PCBD2: variants seen among roughly 807,000 people sequenced by gnomAD.
PCBD2 encodes the protein pterin-4 alpha-carbinolamine dehydratase 2.
A neutral mutation model predicts 16.4 loss-of-function variants in PCBD2; 12 were observed. The observed-to-expected ratio is 0.73, with a 90% confidence interval of 0.47 to 1.19. The LOEUF (loss-of-function observed/expected upper bound fraction) is 1.19. Ranked by LOEUF, PCBD2 falls within the 50% of genes most tolerant of loss-of-function variation. The pLI is 0.00. For missense variants in PCBD2, 138 were observed against 156.8 expected, an observed-to-expected ratio of 0.88 and a Z score of 0.64; for synonymous variants, 58 against 61.8, an observed-to-expected ratio of 0.94 and a Z score of 0.29.
chr5:134,925,520 T>C (rs112143492), intron 2 of PCBD2: 248,631 of 398,158 alleles, frequency 0.62, 80,148 homozygotes, highest in African/African-American at 0.87. Context: ...ATTGTGACTA[T>C]TATAAGTCCT....
chr5:134,905,452 C>T (rs1401464287), intron 1 of PCBD2: 2 of 370,074 alleles, frequency 5.4e-6, no homozygotes, highest in Non-Finnish European at 4.8e-6. Flanking sequence ...TACACTTCCG[C>T]CGAAGCCTAC....
At chr5:134,953,391 T>TAA (rs1751380351) in intron 2 of PCBD2, among the ~76,000 whole-genome samples, 1 of 149,074 alleles carries the variant, frequency 6.7e-6, no homozygotes, top group Admixed American at 6.7e-5. Context: ...TATATATATA[T>TAA]AATACCTATA....
At chr5:134,924,910 A>G (rs1750965822) in intron 2 of PCBD2, 2 of 390,518 alleles carry the variant, frequency 5.1e-6, no homozygotes, top group East Asian at 7.2e-5. Flanking sequence ...AAATGTATAC[A>G]GTGGGGATTT....
chr5:134,939,228 C>T (rs1391594834), intron 2 of PCBD2, among the ~76,000 whole-genome samples: 1 of 152,040 alleles, frequency 6.6e-6, no homozygotes, highest in African/African-American at 2.4e-5. Flanking sequence ...TCATTCAGTA[C>T]CGTCCTGTCT....
chr5:134,947,389 A>ATTTTTTT (rs1220114582), intron 2 of PCBD2, among the ~76,000 whole-genome samples: 3 of 103,066 alleles, frequency 2.9e-5, no homozygotes, highest in East Asian at 2.8e-4. Flanking sequence ...CCCGGCCTCA[A>ATTTTTTT]TTTTTTTTTT....
In PCBD2 at chr5:134,960,709, G is replaced by A. The variant is rs1184481194; in HGVS notation, c.*28G>A. On this transcript the variant is annotated 3_prime_UTR_variant, in exon 4 of 4. Coordinates refer to ENST00000254908, the MANE Select transcript of PCBD2 (RefSeq NM_032151.5). ...TCTTCCAAAATACATGTAAAATCTTGTACACATCTTAGCTGCAATGTATGT... is the reference window on the plus strand; with the variant it reads ...TCTTCCAAAATACATGTAAAATCTTATACACATCTTAGCTGCAATGTATGT... 4 of 1,518,188 alleles carry A rather than the reference G, an allele frequency of 2.6e-6. No homozygotes were observed. The highest frequency in any genetic ancestry group is 1.7e-5 in the Admixed American group (1 of 58,982). 94.0% of individuals were successfully genotyped at this position (1,518,188 alleles called of 1,614,324 possible). A position where few individuals can be genotyped will look rare whatever the true frequency, so the allele number is the denominator to read the frequency against.
At chr5:134,940,601 A>ATT (rs1185902421) in intron 2 of PCBD2, among the ~76,000 whole-genome samples, 1 of 152,192 alleles carries the variant, frequency 6.6e-6, no homozygotes, top group Admixed American at 6.5e-5. Flanking sequence ...CCTTATCATG[A>ATT]AACTCTTTAA....
At chr5:134,924,320 T>C (rs79518928) in intron 2 of PCBD2, 1 of 395,678 alleles carries the variant, frequency 2.5e-6, no homozygotes, top group Non-Finnish European at 4.5e-6. Context: ...TGATGGTTGT[T>C]TTTGGATATA....
intron 1 of PCBD2, among the ~76,000 whole-genome samples, chr5:134,908,471 C>T (rs111458162): frequency 0.041 from 6,174 of 152,050 alleles, 209 homozygotes; most frequent in Non-Finnish European, 0.055. Flanking sequence ...TTGCAACTAG[C>T]CTAGCCAACA....
At chr5:134,925,780 A>G (rs1450997192) in intron 2 of PCBD2, 1 of 395,916 alleles carries the variant, frequency 2.5e-6, no homozygotes, top group Non-Finnish European at 4.5e-6. Flanking sequence ...GTGAAGGCCT[A>G]ATTGAGCTGA....
At chr5:134,955,129 G>GTATA (rs34308484) in intron 2 of PCBD2, among the ~76,000 whole-genome samples, 46 of 146,956 alleles carry the variant, frequency 3.1e-4, no homozygotes, top group South Asian at 4.3e-4. Flanking sequence ...CTTTGCTACA[G>GTATA]TATATATATA....
At chr5:134,940,945 T>C (rs749524907) in intron 2 of PCBD2, among the ~76,000 whole-genome samples, 32 of 151,650 alleles carry the variant, frequency 2.1e-4, no homozygotes, top group Non-Finnish European at 4.6e-4. Context: ...CACGGTGAAA[T>C]CCCGTCTCTA....
chr5:134,941,670 C>T (rs890798694), intron 2 of PCBD2, among the ~76,000 whole-genome samples: 1 of 151,856 alleles, frequency 6.6e-6, no homozygotes, highest in Non-Finnish European at 1.5e-5. Context: ...GAGAATGAGT[C>T]GGATGTTTTA....
chr5:134,943,569 T>G (rs1346481916), intron 2 of PCBD2, among the ~76,000 whole-genome samples: 1 of 152,208 alleles, frequency 6.6e-6, no homozygotes, highest in Non-Finnish European at 1.5e-5. Context: ...AAAATTATAT[T>G]TTCCCTTTAA....
At chr5:134,912,553 C>T (rs557187798) in intron 2 of PCBD2, among the ~76,000 whole-genome samples, 8 of 152,250 alleles carry the variant, frequency 5.3e-5, no homozygotes, top group East Asian at 3.9e-4. Flanking sequence ...TTTAATAAAT[C>T]GTATCTATAG....
intron 2 of PCBD2, among the ~76,000 whole-genome samples, chr5:134,911,062 A>G (rs1748382893): frequency 6.6e-6 from 1 of 152,242 alleles, no homozygotes; most frequent in Non-Finnish European, 1.5e-5. Flanking sequence ...TGCTGGGAAT[A>G]GAGATATGAG....
At chr5:134,939,232 C>G (rs1472689359) in intron 2 of PCBD2, among the ~76,000 whole-genome samples, 1 of 152,080 alleles carries the variant, frequency 6.6e-6, no homozygotes, top group Non-Finnish European at 1.5e-5. Context: ...TCAGTACCGT[C>G]CTGTCTTCTT....
At chr5:134,941,793 A>G (rs568887860) in intron 2 of PCBD2, among the ~76,000 whole-genome samples, 84 of 152,262 alleles carry the variant, frequency 5.5e-4, no homozygotes, top group African/African-American at 1.9e-3. Flanking sequence ...AAAACCTGTT[A>G]TACTTTATCT....
At chr5:134,923,951 G>A (rs1258845123) in intron 2 of PCBD2, 7 of 394,244 alleles carry the variant, frequency 1.8e-5, no homozygotes, top group Non-Finnish European at 3.1e-5. Context: ...GAAGTGAGCC[G>A]AAGTTTCATC....
Sources: gnomAD v4.1 joint callset for allele counts (sites outside exome capture counted in the v4.1 genomes callset) on GRCh38, gnomAD v4.1.1 for gene constraint, MANE v1.5 for transcripts, NCBI Gene and HGNC (gene_info 2026-07-23, HGNC 2026-07-21) for gene names.